Variants in CATSPERG observed in about 807,000 individuals in gnomAD.
The protein encoded by CATSPERG is cation channel sperm-associated auxiliary subunit gamma.
In CATSPERG, 115 loss-of-function variants were observed where a neutral mutation model predicts 145.0. The ratio of observed to expected loss-of-function variants is 0.79; its 90% CI spans 0.68 to 0.93. The LOEUF (loss-of-function observed/expected upper bound fraction) is 0.93, where lower values mean the gene tolerates loss of function less well. Ranked by LOEUF, CATSPERG falls within the 40% of genes least tolerant of loss-of-function variation. The pLI, the probability that CATSPERG is intolerant of heterozygous loss-of-function variation, is 0.00. For missense variants in CATSPERG, 1,296 were observed against 1,490.1 expected (o/e 0.87, Z 2.14); for synonymous variants, 588 against 589.0 (o/e 1.00, Z 0.02).
intron 5 of CATSPERG, 47 bp from the exon 6 acceptor site, chr19:38,344,249 C>A (rs1268795616): frequency 3.9e-6 from 6 of 1,542,642 alleles, no homozygotes; most frequent in Non-Finnish European, 5.3e-6. Context: ...GCTGTGGAAC[C>A]CCTGACACTG....
At chr19:38,343,483 G>T (rs77106659) in intron 3 of CATSPERG, 97 bp from the exon 4 acceptor site, 2 of 1,131,524 alleles carry the variant, frequency 1.8e-6, no homozygotes, top group Non-Finnish European at 2.5e-6. Flanking sequence ...TGCTGCCCCC[G>T]GACAGCCCAG....
At position 38,362,354 on chromosome 19, in the gene CATSPERG, C is replaced by T. The variant is rs1600478037; in HGVS notation, c.2158-22C>T. On this transcript the variant is annotated intron_variant, in intron 18 of 28. Coordinates refer to ENST00000409235, the MANE Select transcript of CATSPERG (RefSeq NM_021185.5). ...TGCCCCACCCCCGGCGCTGACTCTG[C>T]CCCGCGCATCCGGTACCCCAGGATT... is the stretch of plus-strand genomic sequence containing the variant. The T allele has an allele frequency of 1.9e-5, 31 of 1,613,920 alleles. No individual in the cohort carries two copies. In the East Asian group the frequency reaches 6.7e-4, roughly 35 times the overall value.
chr19:38,370,368 TG>T, intron 28 of CATSPERG, 110 bp downstream of exon 28: 1 of 1,393,972 alleles, frequency 7.2e-7, no homozygotes. Flanking sequence ...CATCTAGCCA[TG>T]CTGACTGAAC....
chr19:38,360,206 G>T (rs1191805380), intron 14 of CATSPERG: 1 of 985,246 alleles, frequency 1.0e-6, no homozygotes, highest in Non-Finnish European at 1.2e-6. Context: ...GAGTGTGTGT[G>T]TTAGAGATGC....
intron 16 of CATSPERG, 142 bp downstream of exon 16, chr19:38,360,985 A>G (rs1970334778): frequency 1.4e-6 from 1 of 717,818 alleles, no homozygotes; most frequent in East Asian, 2.7e-5. Flanking sequence ...GCACTTATGG[A>G]AGCTCAGAGG....
chr19:38,362,704 C>A lies in CATSPERG; in HGVS notation c.2357-10C>A. 1 of 1,613,510 alleles carries A rather than the reference C, an allele frequency of 6.2e-7. No individual in the cohort carries two copies. The highest frequency in any genetic ancestry group is 8.5e-7 in the Non-Finnish European group (1 of 1,179,532). ...AGGGAGGCCTTAACCCCGTTTACTG[C>A]CCGGAGCAGGCACCGCCTTCCAGCT... On this transcript the variant is annotated splice_polypyrimidine_tract_variant and intron_variant, in intron 19 of 28. Coordinates refer to ENST00000409235, the MANE Select transcript of CATSPERG (RefSeq NM_021185.5).
At position 38,356,730 on chromosome 19, in the gene CATSPERG, T is replaced by C; in HGVS notation, c.1196-12T>C. ...CCCTGGGGCGGCTCTGGACTGCCCC[T>C]TTCCCTCTCAGTTACCACCTGCTCC... On this transcript the variant is annotated splice_polypyrimidine_tract_variant and intron_variant, in intron 10 of 28. Coordinates refer to ENST00000409235, the MANE Select transcript of CATSPERG (RefSeq NM_021185.5). 6.2e-7 allele frequency: 1 copy of C among 1,613,902 alleles called. No homozygotes were observed. Among genetic ancestry groups the C allele is most frequent in the Non-Finnish European group, 8.5e-7 (1 of 1,179,898 alleles).
chr19:38,358,759 A>G lies in CATSPERG; in HGVS notation c.1496+198A>G, dbSNP rs569970185. 9.8e-5 allele frequency among the ~76,000 whole-genome samples: 15 copies of G among 152,306 alleles called. No individual in the cohort carries two copies. In the South Asian group the frequency reaches 1.4e-3, roughly 15 times the overall value. On this transcript the variant is annotated intron_variant, in intron 13 of 28. Transcript: ENST00000409235. The stretch of plus-strand genomic sequence containing the variant: ...CTGGGATGGGGGAAGCCAATGTTTT[A>G]AAGCTGTGGGAGCCCTTTTCTTAAA...
In CATSPERG at chr19:38,362,786, C is replaced by A. The variant is rs369747572; in HGVS notation, c.2429C>A (p.Ser810Ter). ...GCCGACCCCGGCTGCATCGAGGCCT[C>A]GGTGAAGCAGGAGGTCCTGATTAAT... ...VLADPGCIEA[S>*]VKQEVLINRN... Residue 810 changes from serine (S) to a stop codon, truncating the protein, a stop_gained, in exon 20 of 29, where the codon TCG (serine) becomes TAG (stop). Transcript: ENST00000409235. LOFTEE classifies it high-confidence loss of function. The A allele has an allele frequency of 1.8e-4, 290 of 1,612,342 alleles. No individual in the cohort carries two copies. The highest frequency in any genetic ancestry group is 2.3e-4 in the Non-Finnish European group (274 of 1,179,388).
chr19:38,354,636 A>T, intron 8 of CATSPERG, 74 bp from the exon 9 acceptor site: 1 of 1,551,230 alleles, frequency 6.4e-7, no homozygotes, highest in Non-Finnish European at 8.8e-7. Flanking sequence ...CACTAAAGCC[A>T]GGGAAATGTG....
intron 20 of CATSPERG, among the ~76,000 whole-genome samples, chr19:38,364,602 A>C (rs549868946): frequency 6.6e-6 from 1 of 152,364 alleles, no homozygotes; most frequent in East Asian, 1.9e-4. Context: ...GCAAGCCGAG[A>C]TCACGCCACT....
chr19:38,367,587 A>G lies in CATSPERG; in HGVS notation c.2834+15A>G. On this transcript the variant is annotated intron_variant, in intron 24 of 28. Transcript: ENST00000409235. Reference sequence around the variant, plus strand: ...TTCCAGGGCAGGTAAAGGCGTGGCCAGCTTGCAGCTAGGGCAGGTGGAGGG... The same window carrying G: ...TTCCAGGGCAGGTAAAGGCGTGGCCGGCTTGCAGCTAGGGCAGGTGGAGGG... The G allele has an allele frequency of 1.2e-6, 2 of 1,613,930 alleles. No homozygotes were observed. Among genetic ancestry groups the G allele is most frequent in the Non-Finnish European group, 1.7e-6 (2 of 1,179,836 alleles).
In CATSPERG at chr19:38,346,531, A is replaced by T; in HGVS notation, c.751A>T (p.Ile251Phe). 6.4e-7 allele frequency: 1 copy of T among 1,551,632 alleles called. No individual in the cohort carries two copies. The highest frequency in any genetic ancestry group is 8.7e-7 in the Non-Finnish European group (1 of 1,146,932). Residue 251 changes from isoleucine (I) to phenylalanine (F), a missense_variant, in exon 7 of 29, where the codon ATC (isoleucine) becomes TTC (phenylalanine). Ile to Phe is a conservative substitution (Grantham distance 21, BLOSUM62 0). Coordinates refer to ENST00000409235, the MANE Select transcript of CATSPERG (RefSeq NM_021185.5). ...WHTVDQSPVL[I>F]LGGIPNEKYV... ...CACTGTGGACCAGTCACCTGTGCTT[A>T]TCCTGGGAGGCATTCCCAATGAGAA...
rs559749639 is a variant in CATSPERG, at chr19:38,342,473, G to A, written c.325-1107G>A. Among the ~76,000 whole-genome samples, 149 of 151,810 alleles carry A rather than the reference G, an allele frequency of 9.8e-4. 1 individual carries two copies. The highest frequency in any genetic ancestry group is 1.6e-3 in the Non-Finnish European group (111 of 67,940). On this transcript the variant is annotated intron_variant, in intron 3 of 28. Coordinates refer to ENST00000409235, the MANE Select transcript of CATSPERG (RefSeq NM_021185.5). Reference sequence around the variant, plus strand: ...AAATTAGCTGGGCATGGTGGTGCACGTGTGTAGTCCCAGCTACTCAGGAGG... The same window carrying A: ...AAATTAGCTGGGCATGGTGGTGCACATGTGTAGTCCCAGCTACTCAGGAGG...
intron 20 of CATSPERG, 39 bp downstream of exon 20, chr19:38,362,871 GTT>G (rs553363428): frequency 0.13 from 55,516 of 420,258 alleles, 384 homozygotes; most frequent in Admixed American, 0.15. Flanking sequence ...GGGAGGTTTT[GTT>G]TTTTTTTTTT....
chr19:38,344,816 C>A (rs1162861762), intron 6 of CATSPERG, among the ~76,000 whole-genome samples: 1 of 140,136 alleles, frequency 7.1e-6, no homozygotes, highest in African/African-American at 2.6e-5. Context: ...ATAGTACATA[C>A]CTGTACATAC....
At chr19:38,353,055 T>C (rs531033153) in intron 8 of CATSPERG, among the ~76,000 whole-genome samples, 74 of 125,028 alleles carry the variant, frequency 5.9e-4, no homozygotes, top group African/African-American at 2.0e-3. Context: ...AAAAAAAAGC[T>C]GGGCATGGTG....
At chr19:38,366,075 C>G (rs564459368) in intron 22 of CATSPERG, 1 of 152,422 alleles carries the variant, frequency 6.6e-6, no homozygotes, top group Admixed American at 6.5e-5. Context: ...TTTCACATCT[C>G]TCTCTTCTTC....
intron 20 of CATSPERG, 50 bp from the exon 21 acceptor site, chr19:38,364,841 G>A (rs772493596): frequency 2.1e-6 from 3 of 1,424,038 alleles, no homozygotes; most frequent in Non-Finnish European, 9.9e-7. Context: ...TGGACTTTGG[G>A]GAGACCTGTT....
Sources: allele counts gnomAD v4.1 joint callset (sites outside exome capture counted in the v4.1 genomes callset), GRCh38; gene constraint gnomAD v4.1.1; transcripts MANE v1.5; gene names NCBI Gene and HGNC (gene_info 2026-07-23, HGNC 2026-07-21).